The following MON2 variants were observed in gnomAD, a reference collection of about 807,000 sequenced individuals.
MON2 encodes the protein MON2 regulator of endosome-to-Golgi trafficking.
In MON2, 84 loss-of-function variants were observed where a neutral mutation model predicts 208.6. The observed-to-expected ratio is 0.40, with a 90% CI of 0.34 to 0.48. MON2 has a LOEUF of 0.48. Among genes scored for constraint, MON2 ranks in the 20% least tolerant of loss-of-function variants. The pLI, the probability that MON2 is intolerant of heterozygous loss-of-function variation, is 0.59. For synonymous variants in MON2, 660 were observed against 694.0 expected, an observed-to-expected ratio of 0.95 and a Z score of 0.77; for missense variants, 1,611 against 2,015.4, an observed-to-expected ratio of 0.80 and a Z score of 3.84.
At chr12:62,563,401 A>G (rs1326533742) in intron 26 of MON2, among the ~76,000 whole-genome samples, 1 of 152,192 alleles carries the variant, frequency 6.6e-6, no homozygotes, top group Non-Finnish European at 1.5e-5. Flanking sequence ...TTATTATTAA[A>G]TGAGTTAGTA....
chr12:62,596,003 C>T lies in MON2; in HGVS notation c.*3254C>T, dbSNP rs1430494048. 1 of 152,070 alleles carries T rather than the reference C, an allele frequency of 6.6e-6. No homozygotes were observed. The highest frequency in any genetic ancestry group is 1.5e-5 in the Non-Finnish European group (1 of 68,018). The allele number at this position is 152,070 out of a possible 1,614,324, so 9.4% of individuals were successfully genotyped here. ...AGAATAATATTCAATTAAATTATTT[C>T]TACAGCAGGCCAGTAACAACTAGAT... On this transcript the variant is annotated 3_prime_UTR_variant, in exon 35 of 35. Coordinates refer to ENST00000393630, the MANE Select transcript of MON2 (RefSeq NM_015026.3).
At chr12:62,589,956 C>T (rs184270396) in intron 34 of MON2, among the ~76,000 whole-genome samples, 11 of 152,140 alleles carry the variant, frequency 7.2e-5, no homozygotes, top group African/African-American at 1.9e-4. Flanking sequence ...TGAATGTAAA[C>T]ATATAAGATG....
chr12:62,547,080 T>G lies in MON2; in HGVS notation c.2753+8T>G. 2 of 1,425,398 alleles carry G rather than the reference T, an allele frequency of 1.4e-6. No individual in the cohort carries two copies. Among genetic ancestry groups the G allele is most frequent in the Non-Finnish European group, 1.8e-6 (2 of 1,081,714 alleles). 88.3% of individuals were successfully genotyped at this position (1,425,398 alleles called of 1,614,324 possible). On this transcript the variant is annotated splice_region_variant and intron_variant, in intron 22 of 34. Coordinates refer to ENST00000393630, the MANE Select transcript of MON2 (RefSeq NM_015026.3). Reference sequence around the variant, plus strand: ...AATCAGAAATGATCAAGGGTAAGTATTTAAAATTATTTGAGAAAAAATATG... The same window carrying G: ...AATCAGAAATGATCAAGGGTAAGTAGTTAAAATTATTTGAGAAAAAATATG...
At chr12:62,476,354 C>T (rs2069081700) in intron 1 of MON2, among the ~76,000 whole-genome samples, 1 of 152,084 alleles carries the variant, frequency 6.6e-6, no homozygotes, top group African/African-American at 2.4e-5. Flanking sequence ...CATCTGAAAT[C>T]ACAAGTCTTC....
intron 1 of MON2, chr12:62,470,893 G>A (rs1328455621): frequency 3.2e-5 from 9 of 280,278 alleles, no homozygotes; most frequent in Non-Finnish European, 5.0e-5. Flanking sequence ...TTGACAGTTG[G>A]TAGGAAGAAT....
intron 7 of MON2, among the ~76,000 whole-genome samples, chr12:62,506,172 A>G (rs2071088702): frequency 6.6e-6 from 1 of 152,246 alleles, no homozygotes; most frequent in African/African-American, 2.4e-5. Flanking sequence ...TTTGTAAAAT[A>G]TGAAAGTGGA....
chr12:62,558,398 G>A (rs963216776), intron 25 of MON2, among the ~76,000 whole-genome samples: 1 of 151,938 alleles, frequency 6.6e-6, no homozygotes, highest in South Asian at 2.1e-4. Context: ...ACATAACCAC[G>A]TGCAATATAT....
chr12:62,471,358 A>G (rs1176049567), intron 1 of MON2, among the ~76,000 whole-genome samples: 2 of 151,910 alleles, frequency 1.3e-5, no homozygotes, highest in Non-Finnish European at 1.5e-5. Flanking sequence ...AATTTTTTGT[A>G]TTTTTAATAG....
At chr12:62,557,417 G>A (rs1164755979) in intron 25 of MON2, among the ~76,000 whole-genome samples, 1 of 152,208 alleles carries the variant, frequency 6.6e-6, no homozygotes, top group Non-Finnish European at 1.5e-5. Flanking sequence ...AAGGGTTGAT[G>A]CTACACATCT....
intron 8 of MON2, among the ~76,000 whole-genome samples, chr12:62,522,905 A>G (rs1313562538): frequency 1.3e-5 from 2 of 152,206 alleles, no homozygotes; most frequent in African/African-American, 4.8e-5. Flanking sequence ...AAATTGATAA[A>G]TAATTGGTTT....
rs1156403254 is a variant in MON2, at chr12:62,560,678, A to C, written c.3597A>C (p.Ile1199=). 3.1e-6 allele frequency: 5 copies of C among 1,614,032 alleles called. No homozygotes were observed. The highest frequency in any genetic ancestry group is 4.2e-6 in the Non-Finnish European group (5 of 1,179,946). Residue 1199 remains isoleucine (I), a synonymous_variant, in exon 26 of 35, where the codon ATA becomes ATC. Transcript: ENST00000393630. ...TTAATGTACCTGTGCCTGTTCTTAT[A>C]GGGCCCATATCAGGCATGAGCAGGC... ...PVVNVPVPVL[I]GPISGMSRPF...
intron 21 of MON2, among the ~76,000 whole-genome samples, chr12:62,546,329 C>T (rs536276280): frequency 6.3e-4 from 96 of 152,134 alleles, no homozygotes; most frequent in African/African-American, 2.2e-3. Flanking sequence ...TAATTAGTAT[C>T]TTTAAAGTAA....
chr12:62,488,427 C>G (rs889855281), intron 2 of MON2, among the ~76,000 whole-genome samples: 7 of 152,054 alleles, frequency 4.6e-5, no homozygotes, highest in Non-Finnish European at 8.8e-5. Flanking sequence ...TTCGGATACA[C>G]TATTGAAGTG....
intron 8 of MON2, 130 bp downstream of exon 8, chr12:62,508,610 A>C (rs2071228763): frequency 1.4e-6 from 1 of 698,464 alleles, no homozygotes; most frequent in Non-Finnish European, 2.5e-6. Flanking sequence ...ACCTACGTGT[A>C]GTCTAGGTAC....
rs1301708757 is a variant in MON2, at chr12:62,600,285, C to T, written c.*7536C>T. On this transcript the variant is annotated 3_prime_UTR_variant, in exon 35 of 35. Coordinates refer to ENST00000393630, the MANE Select transcript of MON2 (RefSeq NM_015026.3). Reference sequence around the variant, plus strand: ...AATCCATGTCTTCCCACAATAGGGACCAATTTTTTGCCTTTCACCAGACAA... The same window carrying T: ...AATCCATGTCTTCCCACAATAGGGATCAATTTTTTGCCTTTCACCAGACAA... The T allele has an allele frequency of 6.6e-6, 1 of 152,194 alleles. No homozygotes were observed. Among genetic ancestry groups the T allele is most frequent in the African/African-American group, 2.4e-5 (1 of 41,444 alleles). 9.4% of individuals were successfully genotyped at this position (152,194 alleles called of 1,614,324 possible).
intron 8 of MON2, among the ~76,000 whole-genome samples, chr12:62,510,012 C>T (rs1266132803): frequency 1.3e-5 from 2 of 151,398 alleles, no homozygotes; most frequent in Non-Finnish European, 2.9e-5. Context: ...TTTAAAGGAT[C>T]ATAAAAGACT....
At chr12:62,476,574 A>G (rs1477480782) in intron 1 of MON2, among the ~76,000 whole-genome samples, 1 of 151,914 alleles carries the variant, frequency 6.6e-6, no homozygotes, top group East Asian at 1.9e-4. Context: ...AGCTGGTATT[A>G]CAGGTGCACA....
At chr12:62,569,769 C>T (rs1278807252) in intron 29 of MON2, among the ~76,000 whole-genome samples, 1 of 152,078 alleles carries the variant, frequency 6.6e-6, no homozygotes, top group Non-Finnish European at 1.5e-5. Flanking sequence ...CCTCCCAAAG[C>T]ACATGGATTA....
At chr12:62,566,518 A>G in intron 29 of MON2, 68 bp downstream of exon 29, 2 of 1,342,632 alleles carry the variant, frequency 1.5e-6, no homozygotes, top group South Asian at 1.5e-5. Flanking sequence ...TCCTTAGGTA[A>G]TACATTATCA....
Sources: allele counts gnomAD v4.1 joint callset (sites outside exome capture counted in the v4.1 genomes callset), GRCh38; gene constraint gnomAD v4.1.1; transcripts MANE v1.5; gene names NCBI Gene and HGNC (gene_info 2026-07-23, HGNC 2026-07-21).